KCNH5: variants seen among roughly 807,000 people sequenced by gnomAD.
The protein encoded by KCNH5 is potassium voltage-gated channel subfamily H member 5, also known as voltage-gated delayed rectifier potassium channel KCNH5.
In KCNH5, 46 loss-of-function variants were observed where a neutral mutation model predicts 96.1. That is an observed-to-expected ratio of 0.48 (90% CI 0.38 to 0.61). The LOEUF (loss-of-function observed/expected upper bound fraction) is 0.61. Among genes scored for constraint, KCNH5 ranks in the 20% least tolerant of loss-of-function variants. KCNH5 has a pLI of 0.00. For synonymous variants in KCNH5, 439 were observed against 449.8 expected (o/e 0.98, Z 0.30); for missense variants, 907 against 1,225.8 (o/e 0.74, Z 3.88).
rs1161794717 is a variant in KCNH5 at position 62,706,450 on chromosome 14, C to T, written c.*1058G>A. On this transcript the variant is annotated 3_prime_UTR_variant, in exon 11 of 11. Transcript: ENST00000322893. The stretch of plus-strand genomic sequence containing the variant: ...CACTAGGATTCATGTGTCAACAATC[C>T]GTACCAGTGTTTCATTCTTTCTAAG... 3.3e-5 allele frequency: 5 copies of T among 152,122 alleles called. No homozygotes were observed. The highest frequency in any genetic ancestry group is 3.9e-4 in the East Asian group (2 of 5,194). The allele number at this position is 152,122 out of a possible 1,614,324, so 9.4% of individuals were successfully genotyped here. A position where few individuals can be genotyped will look rare whatever the true frequency, so the allele number is the denominator to read the frequency against.
At chr14:62,823,190 T>A (rs913947646) in intron 8 of KCNH5, among the ~76,000 whole-genome samples, 1 of 152,120 alleles carries the variant, frequency 6.6e-6, no homozygotes, top group Non-Finnish European at 1.5e-5. Flanking sequence ...TAGCAACATG[T>A]CCACCTGTCC....
rs76820791 is a variant in KCNH5, at chr14:62,904,861, T to C, written c.1369+45272A>G. On this transcript the variant is annotated intron_variant, in intron 7 of 10. Transcript: ENST00000322893. ...TGACTTCTCTAAACCCTACCACCAA[T>C]GTTAATAGCTGGGTCAAATGTTCAA... is the stretch of plus-strand genomic sequence containing the variant. 3.5e-3 allele frequency among the ~76,000 whole-genome samples: 532 copies of C among 152,316 alleles called. 6 individuals are homozygous for C. The highest frequency in any genetic ancestry group is 4.7e-3 in the Non-Finnish European group (318 of 68,020).
At chr14:62,717,427 TAAG>T (rs1884708892) in intron 10 of KCNH5, among the ~76,000 whole-genome samples, 1 of 152,164 alleles carries the variant, frequency 6.6e-6, no homozygotes, top group African/African-American at 2.4e-5. Flanking sequence ...GGTACTGGCA[TAAG>T]AATAGACATA....
intron 10 of KCNH5, among the ~76,000 whole-genome samples, chr14:62,772,456 G>A (rs1234937524): frequency 6.6e-6 from 1 of 151,932 alleles, no homozygotes; most frequent in Non-Finnish European, 1.5e-5. Context: ...GGCCAACATG[G>A]TGAAACCCTG....
At chr14:62,709,020 C>T (rs1884507489) in intron 10 of KCNH5, among the ~76,000 whole-genome samples, 1 of 151,440 alleles carries the variant, frequency 6.6e-6, no homozygotes, top group Non-Finnish European at 1.5e-5. Flanking sequence ...CCGAGGCGGG[C>T]GGACCACGAG....
At chr14:62,863,586 T>C (rs1171089109) in intron 7 of KCNH5, among the ~76,000 whole-genome samples, 2 of 152,172 alleles carry the variant, frequency 1.3e-5, no homozygotes, top group South Asian at 2.1e-4. Context: ...CTACCAAGTA[T>C]AGATTAAAAG....
intron 8 of KCNH5, among the ~76,000 whole-genome samples, chr14:62,823,370 C>T (rs528975217): frequency 5.9e-5 from 9 of 152,180 alleles, no homozygotes; most frequent in Admixed American, 2.0e-4. Flanking sequence ...AAAGCTCATA[C>T]GTTGCCCTGA....
intron 6 of KCNH5, among the ~76,000 whole-genome samples, chr14:62,978,586 CAAAAAAA>C (rs529221170): frequency 1.2e-5 from 1 of 80,690 alleles, no homozygotes; most frequent in African/African-American, 4.7e-5. Context: ...GACTCCGTCT[CAAAAAAA>C]AAAAAAAAAG....
rs148895525 is a variant in KCNH5 at position 63,033,411 on chromosome 14, C to T, written c.73+11703G>A. Among the ~76,000 whole-genome samples, 574 of 152,298 alleles carry T rather than the reference C, an allele frequency of 3.8e-3. 3 individuals carry two copies. Among genetic ancestry groups the T allele is most frequent in the African/African-American group, 0.013 (551 of 41,574 alleles). On this transcript the variant is annotated intron_variant, in intron 1 of 10. Coordinates refer to ENST00000322893, the MANE Select transcript of KCNH5 (RefSeq NM_139318.5). ...TCTTTGCCTGAAATATTCTTCTTCCCACTTATCCTCTTGTTACCTCTCACT... is the reference window on the plus strand; with the variant it reads ...TCTTTGCCTGAAATATTCTTCTTCCTACTTATCCTCTTGTTACCTCTCACT...
chr14:62,723,111 C>G (rs1194332285), intron 10 of KCNH5, among the ~76,000 whole-genome samples: 1 of 152,080 alleles, frequency 6.6e-6, no homozygotes, highest in Non-Finnish European at 1.5e-5. Flanking sequence ...AATTACCAAC[C>G]TAGGGTAGAT....
At position 62,858,126 on chromosome 14, in the gene KCNH5, C is replaced by T. The variant is rs941031680; in HGVS notation, c.1370-8274G>A. The stretch of plus-strand genomic sequence containing the variant: ...GTACAAGTATATACATGCACAAACA[C>T]GTTTTTCACAAAAGGAGGAAATACT... On this transcript the variant is annotated intron_variant, in intron 7 of 10. Coordinates refer to ENST00000322893, the MANE Select transcript of KCNH5 (RefSeq NM_139318.5). 4.6e-5 allele frequency among the ~76,000 whole-genome samples: 7 copies of T among 151,966 alleles called. No homozygotes were observed. In the South Asian group the frequency reaches 6.2e-4, roughly 14 times the overall value.
chr14:62,852,594 C>CTTTTTT (rs35441090), intron 7 of KCNH5, among the ~76,000 whole-genome samples: 5 of 147,734 alleles, frequency 3.4e-5, no homozygotes, highest in African/African-American at 5.0e-5. Context: ...AACTAGAGAG[C>CTTTTTT]TTTTTTTTTT....
chr14:63,031,965 A>G (rs1891636927), intron 1 of KCNH5, among the ~76,000 whole-genome samples: 1 of 152,044 alleles, frequency 6.6e-6, no homozygotes, highest in Non-Finnish European at 1.5e-5. Context: ...TTTTTTATGC[A>G]AATTACCCCC....
intron 4 of KCNH5, among the ~76,000 whole-genome samples, chr14:62,991,737 C>A (rs932809083): frequency 6.6e-6 from 1 of 152,004 alleles, no homozygotes; most frequent in Admixed American, 6.6e-5. Flanking sequence ...ATTTTTCTCA[C>A]AACACCTATG....
At chr14:62,801,917 T>C (rs892127974) in intron 9 of KCNH5, among the ~76,000 whole-genome samples, 1 of 152,112 alleles carries the variant, frequency 6.6e-6, no homozygotes, top group East Asian at 1.9e-4. Flanking sequence ...ACTAAGCTTC[T>C]CTGGACCTCA....
At chr14:62,877,221 G>C (rs1015033066) in intron 7 of KCNH5, among the ~76,000 whole-genome samples, 2 of 151,602 alleles carry the variant, frequency 1.3e-5, no homozygotes, top group Admixed American at 6.6e-5. Context: ...TTAAACGTTA[G>C]ACCTAAAACC....
At chr14:62,727,076 T>C (rs1378367279) in intron 10 of KCNH5, among the ~76,000 whole-genome samples, 1 of 151,856 alleles carries the variant, frequency 6.6e-6, no homozygotes, top group South Asian at 2.1e-4. Flanking sequence ...GTGTTAAAAG[T>C]GAGTAGGGGC....
chr14:62,795,160 G>A (rs906042976), intron 9 of KCNH5, among the ~76,000 whole-genome samples: 10 of 152,054 alleles, frequency 6.6e-5, no homozygotes. Context: ...TTTGAGAAAT[G>A]CATTTTACTA....
At chr14:62,940,835 A>C (rs548380309) in intron 7 of KCNH5, among the ~76,000 whole-genome samples, 1 of 152,332 alleles carries the variant, frequency 6.6e-6, no homozygotes, top group African/African-American at 2.4e-5. Context: ...ACATGTGTTC[A>C]ATGGGCACAA....
Sources: allele counts gnomAD v4.1 joint callset (sites outside exome capture counted in the v4.1 genomes callset), GRCh38; gene constraint gnomAD v4.1.1; transcripts MANE v1.5; gene names NCBI Gene and HGNC (gene_info 2026-07-23, HGNC 2026-07-21).